Variants in ACTA2 observed in about 807,000 individuals in gnomAD.
The protein encoded by ACTA2 is actin, aortic smooth muscle.
A neutral mutation model predicts 39.5 loss-of-function variants in ACTA2; 12 were observed. That is an observed-to-expected ratio of 0.30 (90% CI 0.19 to 0.49). The LOEUF is 0.49. Among genes scored for constraint, ACTA2 ranks in the 20% least tolerant of loss-of-function variants. The pLI is 0.99. For missense variants in ACTA2, 236 were observed against 498.8 expected (o/e 0.47, Z 5.02); for synonymous variants, 158 against 180.6 (o/e 0.88, Z 1.00).
At chr10:88,959,582 CAG>C (rs756630790) in intron 1 of ACTA2, among the ~76,000 whole-genome samples, 4 of 152,190 alleles carry the variant, frequency 2.6e-5, no homozygotes, top group Non-Finnish European at 4.4e-5. Flanking sequence ...GAAGATAATA[CAG>C]AGAGTTCTCA....
At chr10:88,945,912 C>A (rs547980395) in intron 3 of ACTA2, among the ~76,000 whole-genome samples, 203 of 152,308 alleles carry the variant, frequency 1.3e-3, no homozygotes, top group Admixed American at 2.9e-3. Context: ...CATGCAGCCC[C>A]TGATGAAAAT....
At chr10:88,989,659 A>G (rs1847049419) in intron 1 of ACTA2, 2 of 478,904 alleles carry the variant, frequency 4.2e-6, no homozygotes, top group Admixed American at 2.3e-5. Context: ...TGAGGGCCCA[A>G]ACAGGCTCCA....
chr10:88,955,947 C>T (rs1355262663), upstream of ACTA2, among the ~76,000 whole-genome samples: 2 of 152,134 alleles, frequency 1.3e-5, no homozygotes, highest in African/African-American at 4.8e-5. Flanking sequence ...CATGCCTTAT[C>T]ACAAGGTGGC....
intron 3 of ACTA2, among the ~76,000 whole-genome samples, chr10:88,946,200 C>G (rs935211614): frequency 4.6e-5 from 7 of 151,138 alleles, no homozygotes; most frequent in African/African-American, 1.5e-4. Context: ...CTCCTGGGCT[C>G]GAATGATGCT....
At chr10:88,955,878 A>G (rs1019469948), upstream of ACTA2, among the ~76,000 whole-genome samples, 1 of 152,178 alleles carries the variant, frequency 6.6e-6, no homozygotes, top group African/African-American at 2.4e-5. Context: ...GCTATCATTT[A>G]CTACCACTGT....
At chr10:88,983,021 T>C (rs1446284370) in intron 1 of ACTA2, among the ~76,000 whole-genome samples, 4 of 152,164 alleles carry the variant, frequency 2.6e-5, no homozygotes, top group Non-Finnish European at 4.4e-5. Flanking sequence ...TGGTGAGAAA[T>C]TCATAACCTC....
intron 1 of ACTA2, among the ~76,000 whole-genome samples, chr10:88,962,388 A>T (rs1846239159): frequency 6.6e-6 from 1 of 152,178 alleles, no homozygotes; most frequent in Non-Finnish European, 1.5e-5. Flanking sequence ...TTCAATAGGT[A>T]ATTAAATAAT....
At chr10:88,941,554 G>A (rs1845852618) in intron 5 of ACTA2, among the ~76,000 whole-genome samples, 164 bp from the exon 6 acceptor site, 1 of 151,896 alleles carries the variant, frequency 6.6e-6, no homozygotes, top group Non-Finnish European at 1.5e-5. Context: ...AGGGCTCGGG[G>A]AAGATGAAAA....
intron 8 of ACTA2, among the ~76,000 whole-genome samples, chr10:88,937,057 G>C (rs1845754308): frequency 1.3e-5 from 2 of 152,146 alleles, no homozygotes; most frequent in South Asian, 4.1e-4. Flanking sequence ...CCTCCCTCTT[G>C]TGTGGAAGTA....
At chr10:88,953,205 C>A (rs909324755), upstream of ACTA2, among the ~76,000 whole-genome samples, 1 of 152,168 alleles carries the variant, frequency 6.6e-6, no homozygotes, top group Admixed American at 6.5e-5. Flanking sequence ...CTTTTAAAAC[C>A]CTTCTACCAC....
chr10:88,975,466 A>C (rs890589159), intron 1 of ACTA2, among the ~76,000 whole-genome samples: 1 of 152,168 alleles, frequency 6.6e-6, no homozygotes, highest in Non-Finnish European at 1.5e-5. Context: ...TTTTCCTGTC[A>C]TTCCTGCTTT....
intron 1 of ACTA2, among the ~76,000 whole-genome samples, chr10:88,967,303 A>G (rs891891321): frequency 6.6e-6 from 1 of 152,208 alleles, no homozygotes; most frequent in Admixed American, 6.5e-5. Context: ...GGTAGGGGCA[A>G]GAGTATGGAC....
At chr10:88,952,549 C>A (rs1250825606) in intron 1 of ACTA2, among the ~76,000 whole-genome samples, 182 bp downstream of exon 1, 1 of 152,188 alleles carries the variant, frequency 6.6e-6, no homozygotes, top group Non-Finnish European at 1.5e-5. Context: ...TACATATTAG[C>A]CCTGTCTTTA....
intron 3 of ACTA2, among the ~76,000 whole-genome samples, chr10:88,945,525 G>GTT (rs139257074): frequency 0.028 from 4,331 of 152,064 alleles, 99 homozygotes; most frequent in South Asian, 0.085. Flanking sequence ...TATTTCTTCT[G>GTT]TTTTTTTCTC....
intron 1 of ACTA2, chr10:88,973,032 T>C: frequency 1.1e-6 from 1 of 879,530 alleles, no homozygotes; most frequent in Non-Finnish European, 1.6e-6. Context: ...ATTTAGAGTT[T>C]GTAGTTGTTT....
upstream of ACTA2, among the ~76,000 whole-genome samples, chr10:88,955,041 A>G (rs1328047594): frequency 1.3e-5 from 2 of 150,210 alleles, no homozygotes; most frequent in Admixed American, 6.6e-5. Flanking sequence ...AAAGAAGAAG[A>G]AGGAAAGAAA....
chr10:88,991,142 G>T (rs977984868), exon 1 of ACTA2: 2 of 615,810 alleles, frequency 3.2e-6, no homozygotes, highest in Admixed American at 2.8e-5. Context: ...GCCTTGATGC[G>T]AAGTGCTGAC....
intron 2 of ACTA2, chr10:88,948,289 C>G (rs1398771773): frequency 6.2e-6 from 1 of 162,404 alleles, no homozygotes; most frequent in African/African-American, 2.4e-5. Flanking sequence ...TGAGTTTTTA[C>G]CATGTGATGC....
intron 1 of ACTA2, among the ~76,000 whole-genome samples, chr10:88,965,980 A>C (rs1254286448): frequency 6.6e-6 from 1 of 152,184 alleles, no homozygotes; most frequent in Non-Finnish European, 1.5e-5. Flanking sequence ...GCCTGAATTT[A>C]CGGAACCATG....
Sources: allele counts gnomAD v4.1 joint callset (sites outside exome capture counted in the v4.1 genomes callset), GRCh38; gene constraint gnomAD v4.1.1; transcripts MANE v1.5; gene names NCBI Gene and HGNC (gene_info 2026-07-23, HGNC 2026-07-21).